DYRK1A: variants seen among roughly 807,000 people sequenced by gnomAD.
The protein encoded by DYRK1A is dual specificity tyrosine-phosphorylation-regulated kinase 1A.
A neutral mutation model predicts 79.7 loss-of-function variants in DYRK1A; 9 were observed. That is an observed-to-expected ratio of 0.11 (90% confidence interval 0.07 to 0.20). The LOEUF is 0.20. DYRK1A is among the 10% of genes least tolerant of loss of function. The probability of loss-of-function intolerance (pLI) is 1.00; values close to 1 mark genes in which losing one functional copy is unlikely to be tolerated. For missense variants in DYRK1A, 622 were observed against 956.0 expected (o/e 0.65, Z 4.61); for synonymous variants, 349 against 329.7 (o/e 1.06, Z -0.63).
Position 37,512,084 on chromosome 21 carries a change from TCACCACCAC to T in DYRK1A, c.1821_1829del (p.His608_His610del), listed in dbSNP as rs1569405497. On this transcript the variant is annotated inframe_deletion, in exon 12 of 12. Coordinates refer to ENST00000647188, the MANE Select transcript of DYRK1A (RefSeq NM_001347721.2). ...ATCACCATCACCACCACCACCACCA[TCACCACCAC>T]CATGGACAACAAGCCTTGGGTAACC... 1 of 1,613,764 alleles carries T rather than the reference TCACCACCAC, an allele frequency of 6.2e-7. No homozygotes were observed. Among genetic ancestry groups the T allele is most frequent in the Non-Finnish European group, 8.5e-7 (1 of 1,179,842 alleles).
chr21:37,430,410 A>C, intron 2 of DYRK1A: 1 of 985,242 alleles, frequency 1.0e-6, no homozygotes, highest in Non-Finnish European at 1.2e-6. Context: ...GGTCTGGTAC[A>C]TTTTAAAAGA....
intron 2 of DYRK1A, among the ~76,000 whole-genome samples, chr21:37,463,453 G>A (rs998859557): frequency 6.6e-6 from 1 of 152,180 alleles, no homozygotes; most frequent in African/African-American, 2.4e-5. Context: ...GCAGTTGACT[G>A]AGCAATAGCT....
chr21:37,375,095 A>G (rs1008784151), intron 1 of DYRK1A: 4 of 152,160 alleles, frequency 2.6e-5, no homozygotes, highest in Non-Finnish European at 4.4e-5. Flanking sequence ...GTGGGATTTT[A>G]TAGGAATAGT....
At chr21:37,382,188 C>A (rs1418817326) in intron 1 of DYRK1A, among the ~76,000 whole-genome samples, 1 of 151,130 alleles carries the variant, frequency 6.6e-6, no homozygotes, top group African/African-American at 2.4e-5. Context: ...ATGGTTCCTG[C>A]CCTCATGAAG....
chr21:37,404,999 C>T (rs913541904), intron 1 of DYRK1A, among the ~76,000 whole-genome samples: 3 of 152,108 alleles, frequency 2.0e-5, no homozygotes, highest in African/African-American at 7.2e-5. Context: ...TTTGCTCTTA[C>T]GGCATGTACA....
At chr21:37,491,966 T>C (rs1210132786) in intron 7 of DYRK1A, among the ~76,000 whole-genome samples, 1 of 152,194 alleles carries the variant, frequency 6.6e-6, no homozygotes, top group East Asian at 1.9e-4. Context: ...TGGATTAGAA[T>C]CAGAAGGTGG....
At chr21:37,366,054 C>T (rs2148343387), upstream of DYRK1A, 1 of 151,938 alleles carries the variant, frequency 6.6e-6, no homozygotes, top group Admixed American at 6.5e-5. Context: ...TCCTCCCCGC[C>T]CCCACCACGG....
intron 5 of DYRK1A, among the ~76,000 whole-genome samples, chr21:37,482,955 G>C (rs2052708949): frequency 1.3e-5 from 2 of 152,176 alleles, no homozygotes; most frequent in South Asian, 4.1e-4. Flanking sequence ...GAACATTGCT[G>C]TTATCCTGTT....
chr21:37,466,083 A>G (rs187405338), intron 2 of DYRK1A, among the ~76,000 whole-genome samples: 2 of 152,328 alleles, frequency 1.3e-5, no homozygotes, highest in Non-Finnish European at 2.9e-5. Flanking sequence ...GAGGGTAGTG[A>G]TAACAGCAGT....
At chr21:37,434,018 C>T (rs1013711005) in intron 2 of DYRK1A, among the ~76,000 whole-genome samples, 6 of 151,942 alleles carry the variant, frequency 3.9e-5, no homozygotes, top group Non-Finnish European at 7.4e-5. Context: ...TGGACTTTAA[C>T]GGGTTCCAGA....
chr21:37,420,889 C>T (rs1015514529), intron 2 of DYRK1A, among the ~76,000 whole-genome samples: 1 of 151,942 alleles, frequency 6.6e-6, no homozygotes, highest in Non-Finnish European at 1.5e-5. Context: ...TTCCTTTCTT[C>T]CCACCCTCCC....
At chr21:37,493,187 A>AT in intron 8 of DYRK1A, 24 bp downstream of exon 8, 1 of 1,562,028 alleles carries the variant, frequency 6.4e-7, no homozygotes, top group Non-Finnish European at 8.7e-7. Flanking sequence ...TGCTTTACAA[A>AT]TTCTGTTTTC....
Position 37,496,270 on chromosome 21 carries a change from A to G in DYRK1A, c.1212+12A>G. 1 of 1,606,300 alleles carries G rather than the reference A, an allele frequency of 6.2e-7. No individual in the cohort carries two copies. Among genetic ancestry groups the G allele is most frequent in the Non-Finnish European group, 8.5e-7 (1 of 1,177,734 alleles). The stretch of plus-strand genomic sequence containing the variant: ...AAGATGGAAAACGGGTAAAATAAGG[A>G]TATATCTGTTTTGAGCCTTTATTAA... On this transcript the variant is annotated intron_variant, in intron 9 of 11. Transcript: ENST00000647188.
chr21:37,404,378 A>G (rs117029806), intron 1 of DYRK1A, among the ~76,000 whole-genome samples: 1,672 of 152,234 alleles, frequency 0.011, 17 homozygotes, highest in Non-Finnish European at 0.018. Flanking sequence ...AGACTTGCTC[A>G]TTGTCTATCA....
In DYRK1A at chr21:37,412,987, G is replaced by A. The variant is rs184512885; in HGVS notation, c.-76-7312G>A. Among the ~76,000 whole-genome samples, 231 of 152,226 alleles carry A rather than the reference G, an allele frequency of 1.5e-3. 1 individual carries two copies. Among genetic ancestry groups the A allele is most frequent in the Non-Finnish European group, 2.3e-3 (158 of 68,018 alleles). On this transcript the variant is annotated intron_variant, in intron 1 of 11. Coordinates refer to ENST00000647188, the MANE Select transcript of DYRK1A (RefSeq NM_001347721.2). ...AGATGTATAGAGAAATGAGTGAAGC[G>A]GTCAGGGGATAGAACCAGAGGTCAC...
At chr21:37,400,311 T>G (rs1044963091) in intron 1 of DYRK1A, among the ~76,000 whole-genome samples, 24 of 152,156 alleles carry the variant, frequency 1.6e-4, no homozygotes, top group Non-Finnish European at 2.8e-4. Context: ...TAATCACACC[T>G]GCAAAGACCT....
intron 4 of DYRK1A, among the ~76,000 whole-genome samples, chr21:37,479,833 T>C (rs1024998279): frequency 5.3e-5 from 8 of 151,868 alleles, no homozygotes; most frequent in Non-Finnish European, 1.0e-4. Flanking sequence ...TTCACCGTGT[T>C]AGCCAGGATG....
At chr21:37,424,928 G>C (rs1175350403) in intron 2 of DYRK1A, among the ~76,000 whole-genome samples, 2 of 152,072 alleles carry the variant, frequency 1.3e-5, no homozygotes, top group Non-Finnish European at 2.9e-5. Context: ...GAGTATTATA[G>C]TTAAAATAAA....
intron 2 of DYRK1A, among the ~76,000 whole-genome samples, chr21:37,421,272 G>A (rs1191320622): frequency 6.6e-6 from 1 of 152,042 alleles, no homozygotes; most frequent in Non-Finnish European, 1.5e-5. Context: ...CCTAACAGAT[G>A]CCTAATTATA....
Sources: allele counts gnomAD v4.1 joint callset (sites outside exome capture counted in the v4.1 genomes callset), GRCh38; gene constraint gnomAD v4.1.1; transcripts MANE v1.5; gene names NCBI Gene and HGNC (gene_info 2026-07-23, HGNC 2026-07-21).